The following IL1RAPL1 variants were observed in gnomAD, a reference collection of about 807,000 sequenced individuals.
The protein encoded by IL1RAPL1 is interleukin-1 receptor accessory protein-like 1.
In IL1RAPL1, 3 loss-of-function variants were observed where a neutral mutation model predicts 48.4. That is an observed-to-expected ratio of 0.06 (90% CI 0.03 to 0.16). The LOEUF (loss-of-function observed/expected upper bound fraction) is 0.16, where lower values mean the gene tolerates loss of function less well. Ranked by LOEUF, IL1RAPL1 falls within the 10% of genes least tolerant of loss-of-function variation. The probability of loss-of-function intolerance (pLI) is 1.00; values close to 1 mark genes in which losing one functional copy is unlikely to be tolerated. For missense variants in IL1RAPL1, 349 were observed against 530.6 expected, an observed-to-expected ratio of 0.66 and a Z score of 3.36; for synonymous variants, 185 against 187.7, an observed-to-expected ratio of 0.99 and a Z score of 0.12.
intron 2 of IL1RAPL1, among the ~76,000 whole-genome samples, chrX:29,177,989 A>G (rs1000712622): frequency 2.7e-5 from 3 of 111,815 alleles, no homozygotes; most frequent in Non-Finnish European, 5.6e-5. Flanking sequence ...AATCCAGTCT[A>G]TCATTGATGG....
chrX:28,604,760 G>A (rs1296152760), intron 1 of IL1RAPL1, among the ~76,000 whole-genome samples: 2 of 106,543 alleles, frequency 1.9e-5, no homozygotes, highest in Admixed American at 1.0e-4. Context: ...TAAGCATATC[G>A]TGCAGTGCTT....
At chrX:28,993,162 A>G (rs188249665) in intron 2 of IL1RAPL1, among the ~76,000 whole-genome samples, 1 of 112,281 alleles carries the variant, frequency 8.9e-6, no homozygotes, top group Admixed American at 9.5e-5. Context: ...ATTTTTTGCA[A>G]TTTTTTGACA....
chrX:29,240,408 T>A (rs768753248), intron 2 of IL1RAPL1, among the ~76,000 whole-genome samples: 2 of 105,393 alleles, frequency 1.9e-5, no homozygotes, highest in South Asian at 8.8e-4. Context: ...CTAATTTTTG[T>A]ATTTTTAGTA....
At chrX:29,647,838 C>A (rs1925382416) in intron 5 of IL1RAPL1, among the ~76,000 whole-genome samples, 4 of 111,483 alleles carry the variant, frequency 3.6e-5, no homozygotes, top group Admixed American at 1.9e-4. Flanking sequence ...ATTAAATTAT[C>A]CAGTCAAAGA....
intron 3 of IL1RAPL1, among the ~76,000 whole-genome samples, chrX:29,334,179 GCGGC>G (rs748269028): frequency 3.3e-5 from 2 of 61,411 alleles, no homozygotes; most frequent in African/African-American, 1.4e-4. Context: ...CCCGGACGGG[GCGGC>G]CGGCCGGGCG....
At chrX:28,601,289 C>T (rs1387761624) in intron 1 of IL1RAPL1, among the ~76,000 whole-genome samples, 3 of 110,518 alleles carry the variant, frequency 2.7e-5, no homozygotes, top group Non-Finnish European at 3.8e-5. Flanking sequence ...GGCGTGGTGG[C>T]GCGTGCCTGT....
chrX:29,013,637 T>G (rs1420859750), intron 2 of IL1RAPL1, among the ~76,000 whole-genome samples: 3 of 111,669 alleles, frequency 2.7e-5, no homozygotes, highest in Non-Finnish European at 5.6e-5. Flanking sequence ...CACACGTTCT[T>G]ACTTGTAAGT....
At chrX:29,523,716 T>C (rs1402982686) in intron 5 of IL1RAPL1, among the ~76,000 whole-genome samples, 1 of 111,723 alleles carries the variant, frequency 9.0e-6, no homozygotes, top group Admixed American at 9.5e-5. Flanking sequence ...ACCAGTACTT[T>C]ATTCTTTGAT....
At chrX:28,962,752 C>T (rs1365391747) in intron 2 of IL1RAPL1, among the ~76,000 whole-genome samples, 1 of 110,373 alleles carries the variant, frequency 9.1e-6, no homozygotes, top group African/African-American at 3.3e-5. Context: ...GGAATATGTG[C>T]ATAGATTATA....
chrX:28,867,638 A>T (rs1471316003), intron 2 of IL1RAPL1, among the ~76,000 whole-genome samples: 1 of 112,254 alleles, frequency 8.9e-6, no homozygotes, highest in Admixed American at 9.5e-5. Flanking sequence ...ATGGAGGCAA[A>T]CAGGTGGTTA....
chrX:29,655,651 CA>C (rs746998144), intron 5 of IL1RAPL1, among the ~76,000 whole-genome samples: 3,241 of 26,666 alleles, frequency 0.12, 14 homozygotes, highest in Middle Eastern at 0.17. Context: ...TGACAGTCTC[CA>C]AAAAAAAAAA....
At chrX:29,383,236 A>T (rs5927179) in intron 3 of IL1RAPL1, among the ~76,000 whole-genome samples, 44,390 of 110,836 alleles carry the variant, frequency 0.4, 7,501 homozygotes, top group Middle Eastern at 0.54. Flanking sequence ...TTTACTTCTC[A>T]CAATAACTCT....
chrX:29,555,933 C>G (rs1428976181), intron 5 of IL1RAPL1, among the ~76,000 whole-genome samples: 2 of 112,356 alleles, frequency 1.8e-5, no homozygotes, highest in Non-Finnish European at 3.8e-5. Context: ...AGCACAGTGT[C>G]TTCCTTACTT....
At chrX:29,479,427 A>T (rs2147744990) in intron 5 of IL1RAPL1, among the ~76,000 whole-genome samples, 1 of 106,212 alleles carries the variant, frequency 9.4e-6, no homozygotes, top group East Asian at 2.9e-4. Context: ...AAAAAAAAAA[A>T]AAAATTAGCA....
chrX:28,968,875 G>C (rs1167409287), intron 2 of IL1RAPL1, among the ~76,000 whole-genome samples: 1 of 112,521 alleles, frequency 8.9e-6, no homozygotes, highest in Non-Finnish European at 1.9e-5. Context: ...TTCTTTATAT[G>C]TTTCTTTAGA....
intron 5 of IL1RAPL1, among the ~76,000 whole-genome samples, chrX:29,635,246 A>G (rs1360602049): frequency 8.9e-6 from 1 of 111,736 alleles, no homozygotes; most frequent in Non-Finnish European, 1.9e-5. Flanking sequence ...CAGCAAAAGG[A>G]AATTAAGGTA....
chrX:29,251,670 C>T (rs188832207), intron 2 of IL1RAPL1, among the ~76,000 whole-genome samples: 1 of 110,737 alleles, frequency 9.0e-6, no homozygotes, highest in East Asian at 2.9e-4. Flanking sequence ...AGACAGGACA[C>T]AGAAAGTTGC....
intron 2 of IL1RAPL1, among the ~76,000 whole-genome samples, chrX:29,268,045 G>A (rs1193659527): frequency 9.0e-6 from 1 of 111,438 alleles, no homozygotes; most frequent in African/African-American, 3.3e-5. Context: ...GGTCCTATCA[G>A]CAGGTAGGGC....
chrX:29,129,151 C>A (rs1328508175), intron 2 of IL1RAPL1, among the ~76,000 whole-genome samples: 1 of 102,797 alleles, frequency 9.7e-6, no homozygotes, highest in East Asian at 3.3e-4. Context: ...TGAAGAAATT[C>A]TCCTGCCTCA....
Sources: gnomAD v4.1 joint callset for allele counts (sites outside exome capture counted in the v4.1 genomes callset) on GRCh38, gnomAD v4.1.1 for gene constraint, MANE v1.5 for transcripts, NCBI Gene and HGNC (gene_info 2026-07-23, HGNC 2026-07-21) for gene names.